The following RAP1GAP2 variants were observed in gnomAD, a reference collection of about 807,000 sequenced individuals.
RAP1GAP2 encodes rap1 GTPase-activating protein 2.
Under a neutral mutation model 95.0 loss-of-function variants are expected in RAP1GAP2, and 27 were observed. That is an observed-to-expected ratio of 0.28 (90% CI 0.21 to 0.39). The LOEUF (loss-of-function observed/expected upper bound fraction) is 0.39, where lower values mean the gene tolerates loss of function less well. Among genes scored for constraint, RAP1GAP2 ranks in the 10% least tolerant of loss-of-function variants. The probability of loss-of-function intolerance (pLI) is 1.00; values close to 1 mark genes in which losing one functional copy is unlikely to be tolerated. For missense variants in RAP1GAP2, 771 were observed against 970.0 expected (o/e 0.79, Z 2.72); for synonymous variants, 373 against 380.9 (o/e 0.98, Z 0.24).
chr17:2,758,109 T>C (rs1210597424), intron 1 of RAP1GAP2, among the ~76,000 whole-genome samples: 11 of 149,406 alleles, frequency 7.4e-5, no homozygotes, highest in Non-Finnish European at 3.0e-5. Context: ...GACCTCATGA[T>C]CCGCCCGCCT....
At chr17:3,032,317 C>T (rs553030996) in intron 23 of RAP1GAP2, 94 bp from the exon 24 acceptor site, 47 of 1,439,856 alleles carry the variant, frequency 3.3e-5, no homozygotes, top group Admixed American at 2.6e-4. Flanking sequence ...CCTGAGCTCA[C>T]CAGACTGTTG....
chr17:2,851,783 G>T, intron 2 of RAP1GAP2, among the ~76,000 whole-genome samples: 1 of 152,082 alleles, frequency 6.6e-6, no homozygotes, highest in Middle Eastern at 3.2e-3. Context: ...TGTTGCCCAG[G>T]CTGGTCTAGA....
chr17:2,923,337 CT>C (rs1202208099), intron 3 of RAP1GAP2, among the ~76,000 whole-genome samples: 175 of 130,468 alleles, frequency 1.3e-3, no homozygotes, highest in Middle Eastern at 0.011. Flanking sequence ...CGCGCCCGGC[CT>C]TTTTTTTTTT....
Position 2,963,249 on chromosome 17 carries a change from A to C in RAP1GAP2, c.247-181A>C. ...GCAGGGTTTATGTTTGGGTTCTGTCAGTTTGGAGAAGAACATGGGGGATGT... is the reference window on the plus strand; with the variant it reads ...GCAGGGTTTATGTTTGGGTTCTGTCCGTTTGGAGAAGAACATGGGGGATGT... On this transcript the variant is annotated intron_variant, in intron 5 of 24. Coordinates refer to ENST00000254695, the MANE Select transcript of RAP1GAP2 (RefSeq NM_015085.5). The surrounding 1 kb of genome is among the most constrained non-coding windows in gnomAD (Gnocchi z 4.8). 2.8e-6 allele frequency: 2 copies of C among 715,884 alleles called. No homozygotes were observed. The highest frequency in any genetic ancestry group is 4.9e-6 in the Non-Finnish European group (2 of 410,040). The allele number at this position is 715,884 out of a possible 1,614,324, so 44.3% of individuals were successfully genotyped here.
At position 2,940,924 on chromosome 17, in the gene RAP1GAP2, G is replaced by A. The variant is rs757545594; in HGVS notation, c.166-16835G>A. Among the ~76,000 whole-genome samples, 84 of 152,162 alleles carry A rather than the reference G, an allele frequency of 5.5e-4. 3 individuals are homozygous for A. Among genetic ancestry groups the A allele is most frequent in the Non-Finnish European group, 3.5e-4 (24 of 68,022 alleles). On this transcript the variant is annotated intron_variant, in intron 3 of 24. Coordinates refer to ENST00000254695, the MANE Select transcript of RAP1GAP2 (RefSeq NM_015085.5). Reference sequence around the variant, plus strand: ...GGAGTGACAGGACACTTGTTTGTGGGGTTGGACCAAGGAGTTCCCCAATCT... The same window carrying A: ...GGAGTGACAGGACACTTGTTTGTGGAGTTGGACCAAGGAGTTCCCCAATCT...
chr17:2,784,116 G>A (rs552780467), intron 1 of RAP1GAP2, among the ~76,000 whole-genome samples: 9 of 152,120 alleles, frequency 5.9e-5, no homozygotes, highest in African/African-American at 2.2e-4. Context: ...GAGACTACAG[G>A]TCCATGCCAC....
At chr17:2,812,923 G>A (rs1264163592) in intron 2 of RAP1GAP2, among the ~76,000 whole-genome samples, 1 of 150,584 alleles carries the variant, frequency 6.6e-6, no homozygotes, top group Non-Finnish European at 1.5e-5. Context: ...CCGGGAGATG[G>A]AAGTTGCAGT....
intron 3 of RAP1GAP2, among the ~76,000 whole-genome samples, chr17:2,948,923 A>G (rs2043812520): frequency 1.3e-5 from 2 of 152,206 alleles, no homozygotes; most frequent in South Asian, 2.1e-4. Flanking sequence ...CGAACCGGCA[A>G]GTAGGGGCAT....
At chr17:2,876,181 C>T (rs977633037) in intron 2 of RAP1GAP2, among the ~76,000 whole-genome samples, 76 of 152,188 alleles carry the variant, frequency 5.0e-4, no homozygotes, top group African/African-American at 1.7e-3. Context: ...TTGTGAGCTG[C>T]CTGCCTCGGC....
chr17:2,964,082 A>G lies in RAP1GAP2; in HGVS notation c.492+14A>G. Reference sequence around the variant, plus strand: ...TTCCTGGGGAAGGTGAGGCTGGGGGAGAGGAGCTGCTGGGGGTTGGGGGCA... The same window carrying G: ...TTCCTGGGGAAGGTGAGGCTGGGGGGGAGGAGCTGCTGGGGGTTGGGGGCA... On this transcript the variant is annotated intron_variant, in intron 7 of 24. Transcript: ENST00000254695. 1 of 1,559,194 alleles carries G rather than the reference A, an allele frequency of 6.4e-7. No individual in the cohort carries two copies.
At chr17:2,816,982 CTTTTTTTTTT>C (rs148255771) in intron 2 of RAP1GAP2, among the ~76,000 whole-genome samples, 1 of 48,666 alleles carries the variant, frequency 2.1e-5, no homozygotes, top group African/African-American at 7.4e-5. Flanking sequence ...TCAGAATTTC[CTTTTTTTTTT>C]TTTTTTTTTT....
At chr17:2,831,708 G>A (rs144574372) in intron 2 of RAP1GAP2, among the ~76,000 whole-genome samples, 1 of 151,720 alleles carries the variant, frequency 6.6e-6, no homozygotes, top group Non-Finnish European at 1.5e-5. Context: ...CTGGTGGGGG[G>A]GCAGCATGAC....
chr17:2,863,544 T>C (rs9901554), intron 2 of RAP1GAP2, among the ~76,000 whole-genome samples: 101,865 of 152,054 alleles, frequency 0.67, 34,561 homozygotes, highest in African/African-American at 0.79. Context: ...GAGAGCCACC[T>C]CCTCCCTTCT....
chr17:2,927,569 A>G (rs1465900199), intron 3 of RAP1GAP2, among the ~76,000 whole-genome samples: 2 of 152,062 alleles, frequency 1.3e-5, no homozygotes, highest in East Asian at 1.9e-4. Context: ...CCCTCTTCCC[A>G]TCTCAGGGGC....
chr17:2,766,839 G>A (rs1362236484), intron 1 of RAP1GAP2, among the ~76,000 whole-genome samples: 1 of 152,078 alleles, frequency 6.6e-6, no homozygotes, highest in Admixed American at 6.6e-5. Flanking sequence ...GATTGTAGCA[G>A]CCCCAACTGT....
chr17:2,960,299 G>A (rs1467602689), intron 4 of RAP1GAP2, among the ~76,000 whole-genome samples: 1 of 152,146 alleles, frequency 6.6e-6, no homozygotes, highest in African/African-American at 2.4e-5. Flanking sequence ...TTCCCAGACA[G>A]GGATGACTAA....
chr17:2,794,317 C>A (rs896540192), upstream of RAP1GAP2, among the ~76,000 whole-genome samples: 2 of 152,146 alleles, frequency 1.3e-5, no homozygotes, highest in African/African-American at 4.8e-5. Context: ...GGTGCCCACT[C>A]CTGACCCTGG....
intron 2 of RAP1GAP2, among the ~76,000 whole-genome samples, chr17:2,894,847 C>G (rs1041070250): frequency 6.6e-6 from 1 of 152,168 alleles, no homozygotes; most frequent in Non-Finnish European, 1.5e-5. Context: ...GGCAGCGCCC[C>G]TCGGCCCCGT....
intron 3 of RAP1GAP2, among the ~76,000 whole-genome samples, chr17:2,939,921 G>A (rs1567800911): frequency 6.6e-6 from 1 of 152,258 alleles, no homozygotes; most frequent in African/African-American, 2.4e-5. Flanking sequence ...GCGGACACCC[G>A]AGTCCTGTAG....
Sources: gnomAD v4.1 joint callset for allele counts (sites outside exome capture counted in the v4.1 genomes callset) on GRCh38, gnomAD v4.1.1 for gene constraint, Gnocchi (gnomAD v3.1) non-coding constraint, MANE v1.5 for transcripts, NCBI Gene and HGNC (gene_info 2026-07-23, HGNC 2026-07-21) for gene names.